The following TRIM49 variants were observed in gnomAD, a reference collection of about 807,000 sequenced individuals.
TRIM49 encodes tripartite motif-containing protein 49.
Under a neutral mutation model 27.4 loss-of-function variants are expected in TRIM49, and 5 were observed. The ratio of observed to expected loss-of-function variants is 0.18; its 90% confidence interval spans 0.10 to 0.38. The LOEUF is 0.38. Ranked by LOEUF, TRIM49 falls within the 10% of genes least tolerant of loss-of-function variation. TRIM49 has a pLI of 1.00. For missense variants in TRIM49, 188 were observed against 487.5 expected (o/e 0.39, Z 5.79); for synonymous variants, 69 against 166.0 (o/e 0.42, Z 4.49).
At chr11:89,791,292 G>A in the TRIM49 span, among the ~76,000 whole-genome samples, 1 of 152,142 alleles carries the variant, frequency 6.6e-6, no homozygotes, top group South Asian at 2.1e-4. Context: ...GTGATGGGGA[G>A]TATGGATACG....
At position 89,804,481 on chromosome 11, in the gene TRIM49, A is replaced by G. The variant is rs1313484307; in HGVS notation, c.-4-8T>C. ...ATTCCAGAATTCATGTTTCTGAGGAACAAAGAGAAACATGTCATTTTGGGG... is the reference window on the plus strand; with the variant it reads ...ATTCCAGAATTCATGTTTCTGAGGAGCAAAGAGAAACATGTCATTTTGGGG... On this transcript the variant is annotated splice_region_variant and splice_polypyrimidine_tract_variant and intron_variant, in intron 2 of 7. Coordinates refer to ENST00000329758, the MANE Select transcript of TRIM49 (RefSeq NM_020358.2). 2 of 1,575,766 alleles carry G rather than the reference A, an allele frequency of 1.3e-6. No individual in the cohort carries two copies. The highest frequency in any genetic ancestry group is 1.7e-5 in the Admixed American group (1 of 57,808).
intron 6 of TRIM49, among the ~76,000 whole-genome samples, chr11:89,800,499 T>G (rs1949726361): frequency 6.6e-6 from 1 of 151,420 alleles, no homozygotes; most frequent in African/African-American, 2.4e-5. Flanking sequence ...ATCCCAGCAC[T>G]TTGGGAGGCC....
At chr11:89,797,494 G>C (rs531363889), downstream of TRIM49, among the ~76,000 whole-genome samples, 4 of 146,450 alleles carry the variant, frequency 2.7e-5, no homozygotes, top group South Asian at 8.5e-4. Flanking sequence ...TTTTGAGGTA[G>C]GAGTCAATAT....
the TRIM49 span, chr11:89,789,496 G>A: frequency 7.0e-6 from 1 of 142,056 alleles, no homozygotes; most frequent in Admixed American, 7.0e-5. Context: ...ATGAGCTCTG[G>A]GCCTGTCCTA....
the TRIM49 span, chr11:89,768,761 G>A: frequency 2.0e-6 from 1 of 496,712 alleles, no homozygotes; most frequent in Non-Finnish European, 4.0e-6. Context: ...ACAACTTGAT[G>A]TTTTTCACAG....
At chr11:89,796,598 C>T (rs570836311), downstream of TRIM49, among the ~76,000 whole-genome samples, 181 of 147,584 alleles carry the variant, frequency 1.2e-3, 2 homozygotes, top group Non-Finnish European at 2.3e-3. Flanking sequence ...GTTATAATTC[C>T]ACAGCGTTCA....
intron 2 of TRIM49, among the ~76,000 whole-genome samples, chr11:89,804,868 C>A (rs1949775885): frequency 3.3e-5 from 5 of 150,882 alleles, no homozygotes; most frequent in Admixed American, 3.3e-4. Context: ...ACTACCCGGG[C>A]CAAAGAAATA....
chr11:89,778,595 CTT>C, the TRIM49 span: 1 of 67,296 alleles, frequency 1.5e-5, no homozygotes, highest in Admixed American at 1.6e-4. Context: ...ATTCAAGACT[CTT>C]TGCAAGAGTG....
At chr11:89,786,166 A>G in the TRIM49 span, 1 of 93,170 alleles carries the variant, frequency 1.1e-5, no homozygotes, top group African/African-American at 5.6e-5. Context: ...GGGCGTGGAG[A>G]GCGTACCGGA....
Position 89,804,294 on chromosome 11 carries a change from G to T in TRIM49, c.176C>A (p.Thr59Asn). The T allele has an allele frequency of 6.2e-7, 1 of 1,612,122 alleles. No homozygotes were observed. ...LVQCSECTKS[T>N]EQINLKTNIH... is the part of the protein sequence containing the mutation. The stretch of plus-strand genomic sequence containing the variant: ...GTTGGTTTTGAGGTTTATCTGCTCG[G>T]TTGACTTTGTGCATTCAGAGCACTG... The change falls in exon 3 of 8, where the codon ACC (threonine) becomes AAC (asparagine). Residue 59 changes from threonine (T) to asparagine (N), a missense_variant. Physicochemically the swap from Thr to Asn is moderately conservative, Grantham distance 65 (BLOSUM62 0). Coordinates refer to ENST00000329758, the MANE Select transcript of TRIM49 (RefSeq NM_020358.2).
chr11:89,777,784 C>G, the TRIM49 span: 1 of 529,410 alleles, frequency 1.9e-6, no homozygotes, highest in Non-Finnish European at 3.2e-6. Context: ...GAATCATATT[C>G]GTTTAACTTG....
chr11:89,773,931 C>T, the TRIM49 span, among the ~76,000 whole-genome samples: 2 of 135,218 alleles, frequency 1.5e-5, no homozygotes, highest in Non-Finnish European at 1.5e-5. Flanking sequence ...AGCAAGATAC[C>T]GTCTCAAAAG....
At chr11:89,774,282 G>A in the TRIM49 span, among the ~76,000 whole-genome samples, 1 of 151,104 alleles carries the variant, frequency 6.6e-6, no homozygotes, top group African/African-American at 2.5e-5. Context: ...TTACAGGCAT[G>A]AGCCACCTTC....
intron 6 of TRIM49, 60 bp downstream of exon 6, chr11:89,800,906 C>G (rs1949730827): frequency 3.0e-6 from 3 of 990,270 alleles, no homozygotes; most frequent in South Asian, 1.7e-5. Flanking sequence ...TTTAATAGAG[C>G]CTGCTTTGAT....
chr11:89,777,163 C>T, the TRIM49 span: 1 of 1,549,906 alleles, frequency 6.5e-7, no homozygotes, highest in Admixed American at 2.0e-5. Flanking sequence ...CTCAGAGAAG[C>T]CCAACTTCAA....
At chr11:89,782,152 T>C in the TRIM49 span, 1 of 1,551,164 alleles carries the variant, frequency 6.4e-7, no homozygotes, top group South Asian at 1.2e-5. Context: ...ATGAAAGATT[T>C]TTTTTAATTT....
the TRIM49 span, chr11:89,787,267 G>C: frequency 1.8e-5 from 4 of 226,808 alleles, no homozygotes; most frequent in Admixed American, 5.7e-5. Context: ...GGATGACCAC[G>C]AGCCTCTAAC....
the TRIM49 span, among the ~76,000 whole-genome samples, chr11:89,780,057 A>T: frequency 9.4e-5 from 6 of 63,604 alleles, no homozygotes; most frequent in South Asian, 4.8e-4. Context: ...GTGGGAGGTT[A>T]AAAAAAAAAA....
chr11:89,785,085 A>C, the TRIM49 span, among the ~76,000 whole-genome samples: 1 of 148,672 alleles, frequency 6.7e-6, no homozygotes, highest in Non-Finnish European at 1.5e-5. Flanking sequence ...GAAGTTATTT[A>C]TCAATAGCCT....
Sources: allele counts gnomAD v4.1 joint callset (sites outside exome capture counted in the v4.1 genomes callset), GRCh38; gene constraint gnomAD v4.1.1; transcripts MANE v1.5; gene names NCBI Gene and HGNC (gene_info 2026-07-23, HGNC 2026-07-21).